The following SBF2 variants were observed in gnomAD, a reference collection of about 807,000 sequenced individuals.
SBF2 encodes myotubularin-related protein 13.
A neutral mutation model predicts 225.2 loss-of-function variants in SBF2; 112 were observed. The observed-to-expected ratio is 0.50, with a 90% CI of 0.43 to 0.58. The LOEUF is 0.58. SBF2 is among the 20% of genes least tolerant of loss of function. The pLI is 0.00. For missense variants in SBF2, 1,996 were observed against 2,206.2 expected (o/e 0.90, Z 1.91); for synonymous variants, 763 against 773.3 (o/e 0.99, Z 0.22).
At chr11:10,299,523 C>T (rs1027072850) in intron 1 of SBF2, among the ~76,000 whole-genome samples, 46 of 152,100 alleles carry the variant, frequency 3.0e-4, no homozygotes, top group African/African-American at 1.1e-3. Context: ...GGACTGGCTA[C>T]ATAATATGTG....
chr11:10,027,461 C>T (rs575338233), intron 6 of SBF2, among the ~76,000 whole-genome samples: 67 of 152,140 alleles, frequency 4.4e-4, no homozygotes, highest in Admixed American at 2.6e-4. Flanking sequence ...AAGCAAAATT[C>T]AACAAGAGAC....
chr11:9,830,242 C>T (rs1006950001), intron 27 of SBF2, among the ~76,000 whole-genome samples: 3 of 152,140 alleles, frequency 2.0e-5, no homozygotes, highest in Non-Finnish European at 4.4e-5. Context: ...AACAGATATT[C>T]ATAAATTTTC....
rs559564594 is a variant in SBF2 at position 9,865,345 on chromosome 11, A to G, written c.1930-6949T>C. 3.7e-4 allele frequency among the ~76,000 whole-genome samples: 56 copies of G among 152,226 alleles called. No homozygotes were observed. In the South Asian group the frequency reaches 4.8e-3, roughly 13 times the overall value. On this transcript the variant is annotated intron_variant, in intron 17 of 39. Coordinates refer to ENST00000256190, the MANE Select transcript of SBF2 (RefSeq NM_030962.4). The stretch of plus-strand genomic sequence containing the variant: ...ATATTTACTGATTCAGTTAGTCCTC[A>G]CAACAATCTTATGACCCACTGAGAT...
At chr11:9,915,222 G>C (rs2134201471) in intron 16 of SBF2, among the ~76,000 whole-genome samples, 1 of 152,242 alleles carries the variant, frequency 6.6e-6, no homozygotes, top group Non-Finnish European at 1.5e-5. Flanking sequence ...GCCGAGGCGG[G>C]CAGATCATGA....
intron 2 of SBF2, among the ~76,000 whole-genome samples, chr11:10,050,337 T>C (rs753643364): frequency 3.3e-5 from 5 of 152,258 alleles, no homozygotes; most frequent in African/African-American, 1.2e-4. Context: ...TCCCCTCTTA[T>C]CCATGGAGGA....
rs765435045 is a variant in SBF2, at chr11:9,816,891, G to A, written c.3927C>T (p.Leu1309=). The part of the protein sequence containing the change: ...FSNSSYLQNQ[L]LKRQAALYIF... ...TGTAAAGGGCTGCTTGCCGTTTCAA[G>A]AGCTGGTTTTGTAGGTAGCTGCTGT... is the stretch of plus-strand genomic sequence containing the variant. The change falls in exon 29 of 40, where the codon CTC becomes CTT. Residue 1309 remains leucine (L), a synonymous_variant. Coordinates refer to ENST00000256190, the MANE Select transcript of SBF2 (RefSeq NM_030962.4). 1 of 1,614,180 alleles carries A rather than the reference G, an allele frequency of 6.2e-7. No homozygotes were observed.
chr11:9,788,761 A>ATTTT (rs148717661), intron 35 of SBF2, among the ~76,000 whole-genome samples: 4,630 of 134,720 alleles, frequency 0.034, 272 homozygotes, highest in African/African-American at 0.12. Flanking sequence ...CGCCCGGCTA[A>ATTTT]TTTTTTTTTT....
Position 9,812,649 on chromosome 11 carries a change from G to C in SBF2, c.4038C>G (p.Ile1346Met), listed in dbSNP as rs752638300. Residue 1346 changes from isoleucine to methionine, a missense_variant, in exon 30 of 40, where the codon ATC becomes ATG. Coordinates refer to ENST00000256190, the MANE Select transcript of SBF2 (RefSeq NM_030962.4). The stretch of plus-strand genomic sequence containing the variant: ...TCTTAAAACTGGCTTTCACTTGCCG[G>C]ATTTCATGAAATTCAACAGGAACAA... ...CEFVPVEFHE[I>M]RQVKASFKKL... is the part of the protein sequence containing the mutation. The C allele has an allele frequency of 5.3e-5, 86 of 1,614,056 alleles. No homozygotes were observed. Among genetic ancestry groups the C allele is most frequent in the Non-Finnish European group, 6.9e-5 (82 of 1,180,026 alleles).
chr11:9,974,960 C>CCAAAAAAAAAA (rs1946612395), intron 13 of SBF2, among the ~76,000 whole-genome samples: 1 of 23,268 alleles, frequency 4.3e-5, no homozygotes, highest in African/African-American at 1.2e-4. Context: ...AACTTTGACT[C>CCAAAAAAAAAA]AAAAAAAAAA....
intron 2 of SBF2, among the ~76,000 whole-genome samples, chr11:10,045,143 C>T (rs1949804302): frequency 6.6e-6 from 1 of 151,032 alleles, no homozygotes. Context: ...AAAAGGTCAA[C>T]TTGTTTTTGT....
At position 10,294,114 on chromosome 11, in the gene SBF2, T is replaced by G; in HGVS notation, c.-45A>C. On this transcript the variant is annotated 5_prime_UTR_variant, in exon 1 of 40. Transcript: ENST00000256190. ...GGGAAGCGGGTCCCCGTCGCCGCCC[T>G]CGCCGCCGCCGCCCACCCGGCCCGG... 1 of 1,300,464 alleles carries G rather than the reference T, an allele frequency of 7.7e-7. No homozygotes were observed. 80.6% of individuals were successfully genotyped at this position (1,300,464 alleles called of 1,614,324 possible).
intron 26 of SBF2, among the ~76,000 whole-genome samples, chr11:9,833,737 G>C (rs1855558244): frequency 6.8e-6 from 1 of 147,782 alleles, no homozygotes; most frequent in Non-Finnish European, 1.5e-5. Flanking sequence ...TATAAATTTT[G>C]GGAAAATATA....
intron 30 of SBF2, among the ~76,000 whole-genome samples, chr11:9,809,959 T>G (rs1426544864): frequency 6.6e-6 from 1 of 152,172 alleles, no homozygotes; most frequent in Non-Finnish European, 1.5e-5. Flanking sequence ...ATAAATTTTA[T>G]GGTAAGTGAA....
intron 2 of SBF2, among the ~76,000 whole-genome samples, chr11:10,162,067 G>A (rs886345833): frequency 3.3e-5 from 5 of 151,968 alleles, no homozygotes; most frequent in South Asian, 2.1e-4. Flanking sequence ...TGTGTAGGAC[G>A]AGAACATGAA....
intron 28 of SBF2, among the ~76,000 whole-genome samples, chr11:9,821,762 G>A (rs1854769941): frequency 6.6e-6 from 1 of 152,174 alleles, no homozygotes; most frequent in Non-Finnish European, 1.5e-5. Context: ...TTGTTTCACA[G>A]AACTTTTGTT....
At chr11:10,128,811 T>C (rs1953885685) in intron 2 of SBF2, among the ~76,000 whole-genome samples, 1 of 152,232 alleles carries the variant, frequency 6.6e-6, no homozygotes, top group Non-Finnish European at 1.5e-5. Context: ...TGCAAACATT[T>C]CATCTGTTTA....
At chr11:10,108,578 G>A (rs1348984271) in intron 2 of SBF2, among the ~76,000 whole-genome samples, 12 of 136,912 alleles carry the variant, frequency 8.8e-5, no homozygotes, top group Admixed American at 7.4e-4. Context: ...AGGCTGGAGT[G>A]CAGTGGCGCG....
chr11:9,812,035 G>GT (rs369953723), intron 30 of SBF2, among the ~76,000 whole-genome samples: 297 of 150,394 alleles, frequency 2.0e-3, no homozygotes, highest in African/African-American at 6.6e-3. Context: ...TAGACACTGT[G>GT]TTTTTTTTTC....
At chr11:10,033,606 A>G (rs544538932) in intron 3 of SBF2, among the ~76,000 whole-genome samples, 2 of 152,058 alleles carry the variant, frequency 1.3e-5, no homozygotes, top group Admixed American at 6.6e-5. Flanking sequence ...CAATGTCCTA[A>G]GTTTAGAGAA....
Sources: gnomAD v4.1 joint callset for allele counts (sites outside exome capture counted in the v4.1 genomes callset) on GRCh38, gnomAD v4.1.1 for gene constraint, MANE v1.5 for transcripts, NCBI Gene and HGNC (gene_info 2026-07-23, HGNC 2026-07-21) for gene names.